ZZEF1: variants seen among roughly 807,000 people sequenced by gnomAD.
ZZEF1 encodes zinc finger ZZ-type and EF-hand domain-containing protein 1.
ZZEF1 carries 157 observed loss-of-function variants against 342.8 expected under a neutral mutation model. That is an observed-to-expected ratio of 0.46 (90% CI 0.40 to 0.52). ZZEF1 has a LOEUF of 0.52. Among genes scored for constraint, ZZEF1 ranks in the 20% least tolerant of loss-of-function variants. ZZEF1 has a pLI of 0.00. For missense variants in ZZEF1, 3,480 were observed against 3,725.6 expected (o/e 0.93, Z 1.72); for synonymous variants, 1,505 against 1,429.1 (o/e 1.05, Z -1.20).
At chr17:4,037,799 T>C (rs771356555) in intron 39 of ZZEF1, among the ~76,000 whole-genome samples, 19 of 152,136 alleles carry the variant, frequency 1.2e-4, no homozygotes, top group Non-Finnish European at 2.1e-4. Flanking sequence ...CCCAGGCTGG[T>C]CTCGAACTCC....
intron 27 of ZZEF1, among the ~76,000 whole-genome samples, chr17:4,066,918 A>G (rs535372056): frequency 1.8e-4 from 28 of 152,244 alleles, no homozygotes; most frequent in African/African-American, 6.5e-4. Context: ...TGTTCCGCCA[A>G]CTCTACGGAG....
At chr17:4,132,987 G>A (rs577949426) in intron 1 of ZZEF1, among the ~76,000 whole-genome samples, 114 of 152,212 alleles carry the variant, frequency 7.5e-4, no homozygotes, top group African/African-American at 2.6e-3. Flanking sequence ...TGGAGCAGGT[G>A]GGGGAAGAAG....
At chr17:4,112,063 T>C (rs1176451418) in intron 5 of ZZEF1, among the ~76,000 whole-genome samples, 13 of 47,822 alleles carry the variant, frequency 2.7e-4, no homozygotes, top group African/African-American at 1.2e-3. Context: ...TATATATATA[T>C]ATATATATAT....
rs1227260694 is a variant in ZZEF1 at position 4,006,676 on chromosome 17, T to G, written c.*214A>C. The G allele has an allele frequency of 6.4e-6, 4 of 621,166 alleles. No homozygotes were observed. The highest frequency in any genetic ancestry group is 1.8e-5 in the African/African-American group (1 of 55,016). The allele number at this position is 621,166 out of a possible 1,614,324, so 38.5% of individuals were successfully genotyped here. A position where few individuals can be genotyped will look rare whatever the true frequency, so the allele number is the denominator to read the frequency against. Reference sequence around the variant, plus strand: ...CCACCCTTTCTGAGGCATTCTGCACTGCTTGGCTTATTTTCACCATGCTAC... The same window carrying G: ...CCACCCTTTCTGAGGCATTCTGCACGGCTTGGCTTATTTTCACCATGCTAC... On this transcript the variant is annotated 3_prime_UTR_variant, in exon 55 of 55. Transcript: ENST00000381638.
chr17:4,050,655 T>C, intron 36 of ZZEF1, 126 bp downstream of exon 36: 1 of 1,370,932 alleles, frequency 7.3e-7, no homozygotes, highest in East Asian at 2.3e-5. Context: ...CACACCAGGG[T>C]AAGCCCCTTT....
rs376596680 is a variant in ZZEF1 at position 4,016,291 on chromosome 17, G to A, written c.8145+32C>T. On this transcript the variant is annotated intron_variant, in intron 49 of 54. Transcript: ENST00000381638. This position sits in a 1 kb window ranked among gnomAD's most constrained non-coding sequence, Gnocchi z 4.4. ...CTGACGAGGTCTCTGCGGCTCAGTC[G>A]CTCTTATGGGGCCTGCCGGCCCCAG... is the stretch of plus-strand genomic sequence containing the variant. 107 of 1,591,816 alleles carry A rather than the reference G, an allele frequency of 6.7e-5. No individual in the cohort carries two copies. The African/African-American group carries it at 1.1e-3, about 17-fold the overall frequency.
At chr17:4,033,757 A>G in intron 40 of ZZEF1, 1 of 517,828 alleles carries the variant, frequency 1.9e-6, no homozygotes. Flanking sequence ...CGCTCATTAA[A>G]AACAGAATAT....
intron 45 of ZZEF1, 85 bp from the exon 46 acceptor site, chr17:4,019,854 C>G: frequency 1.0e-6 from 1 of 996,130 alleles, no homozygotes; most frequent in Non-Finnish European, 1.5e-6. Context: ...ACTGAGAAGA[C>G]AATATAGCAA....
At chr17:4,060,454 C>T (rs967076463) in intron 30 of ZZEF1, among the ~76,000 whole-genome samples, 1 of 151,936 alleles carries the variant, frequency 6.6e-6, no homozygotes, top group Admixed American at 6.6e-5. Context: ...GAGGCCAAGG[C>T]GGGAGGATCA....
At chr17:4,037,123 CA>C (rs1206147456) in intron 39 of ZZEF1, among the ~76,000 whole-genome samples, 1 of 152,046 alleles carries the variant, frequency 6.6e-6, no homozygotes, top group Non-Finnish European at 1.5e-5. Flanking sequence ...TGGAGTAAAA[CA>C]GGAAATCATG....
intron 1 of ZZEF1, among the ~76,000 whole-genome samples, chr17:4,141,275 C>T (rs553549237): frequency 6.6e-6 from 1 of 152,316 alleles, no homozygotes; most frequent in Admixed American, 6.5e-5. Flanking sequence ...ACACAAACTA[C>T]ATTATCTGAA....
At chr17:4,034,736 C>T (rs1008606838) in intron 39 of ZZEF1, among the ~76,000 whole-genome samples, 4 of 152,210 alleles carry the variant, frequency 2.6e-5, no homozygotes, top group Non-Finnish European at 5.9e-5. Context: ...GTGACTCACA[C>T]CTGTAATCCC....
chr17:4,114,326 T>C lies in ZZEF1; in HGVS notation c.839A>G (p.Asp280Gly). 6.2e-7 allele frequency: 1 copy of C among 1,607,292 alleles called. No homozygotes were observed. Among genetic ancestry groups the C allele is most frequent in the Non-Finnish European group, 8.5e-7 (1 of 1,177,396 alleles). The change falls in exon 4 of 55, where the codon GAT becomes GGT. Residue 280 changes from aspartate to glycine, a missense_variant. Coordinates refer to ENST00000381638, the MANE Select transcript of ZZEF1 (RefSeq NM_015113.4). Reference sequence around the variant, plus strand: ...AATCCAGTGTGAACAGGCACTGCCATCTGACTGCCAGTAGGATGAGGTTTC... The same window carrying C: ...AATCCAGTGTGAACAGGCACTGCCACCTGACTGCCAGTAGGATGAGGTTTC... ...NGETSSYWQS[D>G]GSACSHWIRL... is the part of the protein sequence containing the mutation.
chr17:4,088,723 C>T lies in ZZEF1; in HGVS notation c.2196G>A (p.Leu732=). Residue 732 remains leucine, a synonymous_variant, in exon 13 of 55, where the codon TTG becomes TTA. Transcript: ENST00000381638. ...GGATAAACTGAAGGGTCCTGAGGAG[C>T]AACGTGGCCCCACAGACACTCTCCT... ...DTEESVCGAT[L]LLRTLQFIQQ... 6.2e-7 allele frequency: 1 copy of T among 1,614,166 alleles called. No individual in the cohort carries two copies.
In ZZEF1 at chr17:4,075,251, T is replaced by C. The variant is rs1440353968; in HGVS notation, c.3401+12A>G. 6 of 1,613,904 alleles carry C rather than the reference T, an allele frequency of 3.7e-6. No individual in the cohort carries two copies. The highest frequency in any genetic ancestry group is 2.2e-5 in the East Asian group (1 of 44,892). ...ATTAGCGCTTGGGGGTGAAAGAATA[T>C]AGAAGTCTTACCTTTTTTCAGTTTC... On this transcript the variant is annotated intron_variant, in intron 22 of 54. Coordinates refer to ENST00000381638, the MANE Select transcript of ZZEF1 (RefSeq NM_015113.4).
At chr17:4,035,809 G>A (rs1278965759) in intron 39 of ZZEF1, among the ~76,000 whole-genome samples, 1 of 152,188 alleles carries the variant, frequency 6.6e-6, no homozygotes, top group Non-Finnish European at 1.5e-5. Context: ...AGACCCAAGT[G>A]TGGTGGGGAG....
At chr17:4,117,979 G>T (rs948035809) in intron 2 of ZZEF1, among the ~76,000 whole-genome samples, 4 of 152,130 alleles carry the variant, frequency 2.6e-5, no homozygotes, top group African/African-American at 9.7e-5. Flanking sequence ...TCACAGTAAG[G>T]TGAGGGGAGG....
chr17:4,088,970 C>A (rs2057893854), intron 12 of ZZEF1, 77 bp from the exon 13 acceptor site: 2 of 1,390,324 alleles, frequency 1.4e-6, no homozygotes, highest in Non-Finnish European at 2.0e-6. Context: ...AAAGGCCTTT[C>A]CGGGAAGGTC....
At chr17:4,106,727 T>C (rs1375548151) in intron 6 of ZZEF1, among the ~76,000 whole-genome samples, 1 of 152,206 alleles carries the variant, frequency 6.6e-6, no homozygotes, top group Non-Finnish European at 1.5e-5. Context: ...ATCAAAAATT[T>C]ACGCAACAAA....
Sources: gnomAD v4.1 joint callset for allele counts (sites outside exome capture counted in the v4.1 genomes callset) on GRCh38, gnomAD v4.1.1 for gene constraint, Gnocchi (gnomAD v3.1) non-coding constraint, MANE v1.5 for transcripts, NCBI Gene and HGNC (gene_info 2026-07-23, HGNC 2026-07-21) for gene names.